The following ZFX variants were observed in gnomAD, a reference collection of about 807,000 sequenced individuals.
ZFX encodes zinc finger protein X-linked, also known as zinc finger X-chromosomal protein.
For missense variants in ZFX, 362 were observed against 628.3 expected, an observed-to-expected ratio of 0.58 and a Z score of 4.53; for synonymous variants, 196 against 226.8, an observed-to-expected ratio of 0.86 and a Z score of 1.22.
intron 5 of ZFX, among the ~76,000 whole-genome samples, chrX:24,199,606 G>T (rs761299612): frequency 9.0e-6 from 1 of 110,934 alleles, no homozygotes; most frequent in East Asian, 2.8e-4. Flanking sequence ...AATGGAGGTG[G>T]TGGAGAAATG....
chrX:24,170,703 C>T (rs1309423739), intron 3 of ZFX, among the ~76,000 whole-genome samples: 6 of 104,259 alleles, frequency 5.8e-5, no homozygotes, highest in Non-Finnish European at 1.2e-4. Flanking sequence ...CTCCGTATCC[C>T]GGGTTCAAGC....
chrX:24,198,461 G>A (rs1377990974), intron 5 of ZFX, among the ~76,000 whole-genome samples: 1 of 104,716 alleles, frequency 9.5e-6, no homozygotes, highest in Non-Finnish European at 1.9e-5. Flanking sequence ...GATTATAGGC[G>A]TGAGCCACTG....
chrX:24,193,347 A>G (rs899712290), intron 5 of ZFX, among the ~76,000 whole-genome samples: 1 of 112,169 alleles, frequency 8.9e-6, no homozygotes, highest in Non-Finnish European at 1.9e-5. Context: ...AAAAGACCAC[A>G]TGTTGTATGA....
rs1204849479 is a variant in ZFX at position 24,215,604 on chromosome X, A to G, written c.*4228A>G. ...CAGCATTTTGTGTGGTAGATAAGAA[A>G]GAAATTATCACAAAAAATCAGAAAT... On this transcript the variant is annotated 3_prime_UTR_variant, in exon 10 of 10. Transcript: ENST00000304543. 8.9e-6 allele frequency: 1 copy of G among 111,937 alleles called. No homozygotes were observed. The highest frequency in any genetic ancestry group is 3.3e-5 in the African/African-American group (1 of 30,695). The allele number at this position is 111,937 out of a possible 1,213,427, so 9.2% of individuals were successfully genotyped here. A position where few individuals can be genotyped will look rare whatever the true frequency, so the allele number is the denominator to read the frequency against.
In ZFX at chrX:24,214,984, A is replaced by AGAT. The variant is rs1056063165; in HGVS notation, c.*3609_*3611dup. On this transcript the variant is annotated 3_prime_UTR_variant, in exon 10 of 10. Transcript: ENST00000304543. ...TTAAGTAAATGTCAGGAGTCAAAAG[A>AGAT]GATAGAGTTGTGCCATCTTTGATTT... is the stretch of plus-strand genomic sequence containing the variant. 9.1e-5 allele frequency: 10 copies of AGAT among 110,383 alleles called. No individual in the cohort carries two copies. The highest frequency in any genetic ancestry group is 1.9e-4 in the Non-Finnish European group (10 of 53,210). 9.1% of individuals were successfully genotyped at this position (110,383 alleles called of 1,213,427 possible).
At chrX:24,184,449 T>C (rs769818978) in intron 5 of ZFX, among the ~76,000 whole-genome samples, 2 of 111,677 alleles carry the variant, frequency 1.8e-5, no homozygotes, top group South Asian at 7.5e-4. Flanking sequence ...CTCTTGCCTT[T>C]ACTTTCTCCT....
Position 24,216,175 on chromosome X carries a change from T to C in ZFX, c.*4799T>C, listed in dbSNP as rs1351700335. On this transcript the variant is annotated 3_prime_UTR_variant, in exon 10 of 10. Transcript: ENST00000304543. The stretch of plus-strand genomic sequence containing the variant: ...ACAGTTAATGAATTCCCAACTTGTT[T>C]GAAGCTGGAGGTGATTCGACTCCCT... The C allele has an allele frequency of 9.0e-6, 1 of 111,539 alleles. No individual in the cohort carries two copies. Among genetic ancestry groups the C allele is most frequent in the Non-Finnish European group, 1.9e-5 (1 of 53,137 alleles). The allele number at this position is 111,539 out of a possible 1,213,427, so 9.2% of individuals were successfully genotyped here.
chrX:24,202,555 G>A (rs1937369160), intron 5 of ZFX, among the ~76,000 whole-genome samples: 1 of 111,010 alleles, frequency 9.0e-6, no homozygotes, highest in Non-Finnish European at 1.9e-5. Context: ...CCTTACTAGG[G>A]TTCCTGCATC....
chrX:24,195,509 C>T (rs1296039014), intron 5 of ZFX, among the ~76,000 whole-genome samples: 4 of 111,646 alleles, frequency 3.6e-5, no homozygotes, highest in Non-Finnish European at 5.7e-5. Context: ...CCCACCACCA[C>T]GCCTGGCTAA....
At chrX:24,207,630 T>G in intron 6 of ZFX, 82 bp from the exon 7 acceptor site, 1 of 1,149,286 alleles carries the variant, frequency 8.7e-7, no homozygotes, top group South Asian at 2.0e-5. Context: ...TAAAAAGTAA[T>G]AAGAAAATTA....
intron 5 of ZFX, among the ~76,000 whole-genome samples, chrX:24,186,968 C>T (rs1601906338): frequency 8.9e-6 from 1 of 112,210 alleles, no homozygotes; most frequent in East Asian, 2.8e-4. Flanking sequence ...CCGTGTACAT[C>T]ATGCCTCATC....
At chrX:24,204,315 T>G (rs972863483) in intron 5 of ZFX, among the ~76,000 whole-genome samples, 1 of 112,679 alleles carries the variant, frequency 8.9e-6, no homozygotes, top group Admixed American at 9.4e-5. Context: ...GTATTTTTGC[T>G]TTTTAATGTT....
At chrX:24,191,595 AT>A (rs1409891928) in intron 5 of ZFX, among the ~76,000 whole-genome samples, 6 of 111,664 alleles carry the variant, frequency 5.4e-5, no homozygotes, top group African/African-American at 2.0e-4. Context: ...GTCGTCATTG[AT>A]TTCATAATAA....
At chrX:24,160,194 A>T (rs1309127385) in intron 3 of ZFX, among the ~76,000 whole-genome samples, 2 of 109,725 alleles carry the variant, frequency 1.8e-5, no homozygotes, top group African/African-American at 6.6e-5. Flanking sequence ...TGTAAGTTAG[A>T]GGCTTAGCTC....
Position 24,210,269 on chromosome X carries a change from A to G in ZFX, c.1311A>G (p.Arg437=). 8.3e-7 allele frequency: 1 copy of G among 1,211,719 alleles called. No individual in the cohort carries two copies. Among genetic ancestry groups the G allele is most frequent in the Non-Finnish European group, 1.1e-6 (1 of 895,562 alleles). The change falls in exon 10 of 10, where the codon AGA becomes AGG. Residue 437 remains arginine (R), a synonymous_variant. Coordinates refer to ENST00000304543, the MANE Select transcript of ZFX (RefSeq NM_003410.4). ...TTTGTGGGAAGAAGTTTAAGTCGAG[A>G]GGTTTTTTGAAAAGGCACATGAAAA... The part of the protein sequence containing the change: ...CMICGKKFKS[R]GFLKRHMKNH...
At chrX:24,192,893 CAAAA>C (rs759166413) in intron 5 of ZFX, among the ~76,000 whole-genome samples, 10 of 48,500 alleles carry the variant, frequency 2.1e-4, no homozygotes, top group Admixed American at 5.1e-4. Context: ...GACCCTGTCT[CAAAA>C]AAAAAAAAAA....
intron 3 of ZFX, among the ~76,000 whole-genome samples, chrX:24,164,931 A>C (rs770833047): frequency 4.7e-5 from 5 of 105,411 alleles, no homozygotes; most frequent in African/African-American, 1.4e-4. Context: ...CAAGAGTGAA[A>C]CTCCGTCTGA....
At chrX:24,210,132 G>T (rs1375440791) in intron 9 of ZFX, 61 bp from the exon 10 acceptor site, 4 of 1,196,193 alleles carry the variant, frequency 3.3e-6, no homozygotes, top group Non-Finnish European at 4.5e-6. Context: ...CTTTATATTC[G>T]CAAAGAAACT....
At position 24,215,228 on chromosome X, in the gene ZFX, G is replaced by A. The variant is rs1378577806; in HGVS notation, c.*3852G>A. 1 of 111,856 alleles carries A rather than the reference G, an allele frequency of 8.9e-6. No homozygotes were observed. The highest frequency in any genetic ancestry group is 1.9e-5 in the Non-Finnish European group (1 of 53,202). 9.2% of individuals were successfully genotyped at this position (111,856 alleles called of 1,213,427 possible). A position where few individuals can be genotyped will look rare whatever the true frequency, so the allele number is the denominator to read the frequency against. On this transcript the variant is annotated 3_prime_UTR_variant, in exon 10 of 10. Coordinates refer to ENST00000304543, the MANE Select transcript of ZFX (RefSeq NM_003410.4). ...AACCTGTCTGTGATCCAACAAGTCCGATAACATGCTGCTGTATTTGTATTC... is the reference window on the plus strand; with the variant it reads ...AACCTGTCTGTGATCCAACAAGTCCAATAACATGCTGCTGTATTTGTATTC...
Sources: gnomAD v4.1 joint callset for allele counts (sites outside exome capture counted in the v4.1 genomes callset) on GRCh38, gnomAD v4.1.1 for gene constraint, MANE v1.5 for transcripts, NCBI Gene and HGNC (gene_info 2026-07-23, HGNC 2026-07-21) for gene names.